The following RNF123 variants were observed in gnomAD, a reference collection of about 807,000 sequenced individuals.
RNF123 encodes the protein ring finger protein 123.
A neutral mutation model predicts 168.5 loss-of-function variants in RNF123; 86 were observed. The observed-to-expected ratio is 0.51, with a 90% CI of 0.43 to 0.61. RNF123 has a LOEUF of 0.61. RNF123 is among the 20% of genes least tolerant of loss of function. The pLI, the probability that RNF123 is intolerant of heterozygous loss-of-function variation, is 0.00. For missense variants in RNF123, 1,419 were observed against 1,729.7 expected, an observed-to-expected ratio of 0.82 and a Z score of 3.19; for synonymous variants, 666 against 689.1, an observed-to-expected ratio of 0.97 and a Z score of 0.52.
At chr3:49,696,478 A>G (rs2054269434) in intron 3 of RNF123, among the ~76,000 whole-genome samples, 1 of 151,514 alleles carries the variant, frequency 6.6e-6, no homozygotes, top group African/African-American at 2.4e-5. Flanking sequence ...CCTCCCAAGT[A>G]GCTGGTATTA....
chr3:49,706,942 G>A, intron 26 of RNF123, 44 bp downstream of exon 26: 1 of 1,553,722 alleles, frequency 6.4e-7, no homozygotes, highest in Non-Finnish European at 8.9e-7. Flanking sequence ...TCACTGTCTG[G>A]CCACGGGTCT....
chr3:49,691,205 A>T lies in RNF123; in HGVS notation c.40A>T (p.Ser14Cys), dbSNP rs1553684893. 8.1e-6 allele frequency: 13 copies of T among 1,613,910 alleles called. No homozygotes were observed. In the Admixed American group the frequency reaches 2.2e-4, roughly 27 times the overall value. Residue 14 changes from serine to cysteine, a missense_variant, in exon 2 of 39, where the codon AGC (serine) becomes TGC (cysteine). Around this residue, in one of 5 missense-constraint regions of RNF123, gnomAD observed 318 missense variants for 446.6 expected, o/e 0.71. Transcript: ENST00000327697. ...GGCCGGCATGTCTTTCTCCCGCAAGAGCTATAGGCTGACCTCAGATGCTGA... is the reference window on the plus strand; with the variant it reads ...GGCCGGCATGTCTTTCTCCCGCAAGTGCTATAGGCTGACCTCAGATGCTGA... Reference protein sequence around the residue: ...KGAGMSFSRKSYRLTSDAEKS... With the variant: ...KGAGMSFSRKCYRLTSDAEKS...
chr3:49,705,630 A>G lies in RNF123; in HGVS notation c.2255A>G (p.Asp752Gly). The change falls in exon 24 of 39, where the codon GAT becomes GGT. Residue 752 changes from aspartate (D) to glycine (G), a missense_variant. Asp to Gly is a moderately conservative substitution (Grantham distance 94). Around this residue, in one of 5 missense-constraint regions of RNF123, gnomAD observed 538 missense variants for 708.8 expected, o/e 0.76. Coordinates refer to ENST00000327697, the MANE Select transcript of RNF123 (RefSeq NM_022064.5). ...GAGAACTCGCTGCTGGAAGTCCTGGATGGGGCGGTCATGATGTACAACCTC... is the reference window on the plus strand; with the variant it reads ...GAGAACTCGCTGCTGGAAGTCCTGGGTGGGGCGGTCATGATGTACAACCTC... ...LTENSLLEVL[D>G]GAVMMYNLSV... 7 of 1,613,914 alleles carry G rather than the reference A, an allele frequency of 4.3e-6. No homozygotes were observed. Among genetic ancestry groups the G allele is most frequent in the Non-Finnish European group, 5.9e-6 (7 of 1,179,988 alleles).
chr3:49,692,221 C>T (rs1159877294), intron 3 of RNF123, among the ~76,000 whole-genome samples: 10 of 152,186 alleles, frequency 6.6e-5, no homozygotes, highest in Non-Finnish European at 1.5e-4. Flanking sequence ...GCACTGTAGC[C>T]TGGGTGACAG....
chr3:49,710,127 C>T (rs13061156), intron 26 of RNF123, among the ~76,000 whole-genome samples: 6,704 of 152,274 alleles, frequency 0.044, 224 homozygotes, highest in Non-Finnish European at 0.06. Context: ...TGAGCCACCA[C>T]ACCCGGCAAT....
chr3:49,702,649 G>A lies in RNF123; in HGVS notation c.1646G>A (p.Cys549Tyr). ...ASGRGNMPMLCPPEYMVCFLH... is the reference protein window; with the variant it reads ...ASGRGNMPMLYPPEYMVCFLH... ...TGTCCACAGAACATGCCCATGCTCT[G>A]CCCCCCTGAGTACATGGTCTGCTTC... The change falls in exon 20 of 39, where the codon TGC becomes TAC. Residue 549 changes from cysteine to tyrosine, a missense_variant. Coordinates refer to ENST00000327697, the MANE Select transcript of RNF123 (RefSeq NM_022064.5). The A allele has an allele frequency of 6.2e-7, 1 of 1,614,224 alleles. No individual in the cohort carries two copies.
intron 35 of RNF123, chr3:49,718,763 G>A (rs1249095835): frequency 1.2e-6 from 2 of 1,613,158 alleles, no homozygotes; most frequent in South Asian, 1.1e-5. Context: ...CCCCGCTGGT[G>A]CCAGCGCTGT....
rs756276205 is a variant in RNF123, at chr3:49,720,498, C to T, written c.3501-13C>T. ...CAAGCCTTCTGACTGCCCTTGCACC[C>T]TCCCCTACCTAGGAGAGAGCAAGCC... On this transcript the variant is annotated splice_polypyrimidine_tract_variant and intron_variant, in intron 35 of 38. Transcript: ENST00000327697. 1 of 1,548,186 alleles carries T rather than the reference C, an allele frequency of 6.5e-7. No individual in the cohort carries two copies. The highest frequency in any genetic ancestry group is 8.7e-7 in the Non-Finnish European group (1 of 1,145,518).
intron 27 of RNF123, chr3:49,712,891 CGGT>C (rs2080171266): frequency 1.4e-6 from 1 of 704,592 alleles, no homozygotes; most frequent in Non-Finnish European, 2.6e-6. Flanking sequence ...AGATGGAACA[CGGT>C]GGGTGTAGAC....
At chr3:49,714,686 G>A (rs1249912625) in intron 31 of RNF123, among the ~76,000 whole-genome samples, 1 of 152,240 alleles carries the variant, frequency 6.6e-6, no homozygotes, top group Non-Finnish European at 1.5e-5. Flanking sequence ...GTTCCTGGAG[G>A]AAGGGACATT....
chr3:49,701,562 A>C lies in RNF123; in HGVS notation c.1349A>C (p.Gln450Pro). The change falls in exon 16 of 39, where the codon CAG becomes CCG. Residue 450 changes from glutamine to proline, a missense_variant. Around this residue, in one of 5 missense-constraint regions of RNF123, gnomAD observed 349 missense variants for 344.9 expected, o/e 1.01. Transcript: ENST00000327697. ...CTGCGTGTGGAGGAGGCCGGCCTGC[A>C]GGAGCTCATTCCCACCACCTGGTGG... ...SPLRVEEAGL[Q>P]ELIPTTWWPH... 6.2e-7 allele frequency: 1 copy of C among 1,613,818 alleles called. No homozygotes were observed. The highest frequency in any genetic ancestry group is 8.5e-7 in the Non-Finnish European group (1 of 1,180,012).
rs1407800846 is a variant in RNF123, at chr3:49,701,796, G to A, written c.1396-15G>A. The A allele has an allele frequency of 6.4e-7, 1 of 1,563,602 alleles. No individual in the cohort carries two copies. Among genetic ancestry groups the A allele is most frequent in the Admixed American group, 1.9e-5 (1 of 51,412 alleles). On this transcript the variant is annotated splice_polypyrimidine_tract_variant and intron_variant, in intron 16 of 38. Coordinates refer to ENST00000327697, the MANE Select transcript of RNF123 (RefSeq NM_022064.5). ...CAGGTGACCCTGCTGTATTCCACCT[G>A]CTACCCCTGCCTAGGGCAAAGAGAG... is the stretch of plus-strand genomic sequence containing the variant.
At chr3:49,692,106 A>G (rs1167914794) in intron 3 of RNF123, among the ~76,000 whole-genome samples, 2 of 152,200 alleles carry the variant, frequency 1.3e-5, no homozygotes, top group Non-Finnish European at 2.9e-5. Flanking sequence ...TTACCTGGGC[A>G]TGGTGGTGTG....
At chr3:49,717,621 T>G in intron 35 of RNF123, 1 of 422,832 alleles carries the variant, frequency 2.4e-6, no homozygotes, top group Non-Finnish European at 4.3e-6. Flanking sequence ...TCCACAGCTG[T>G]GCTGTGTTGA....
At chr3:49,693,857 C>T (rs919234647) in intron 3 of RNF123, among the ~76,000 whole-genome samples, 3 of 152,118 alleles carry the variant, frequency 2.0e-5, no homozygotes, top group African/African-American at 4.8e-5. Context: ...TGACCAGTGA[C>T]GTTGAATGCC....
intron 38 of RNF123, 30 bp from the exon 39 acceptor site, chr3:49,721,155 G>C: frequency 1.2e-6 from 2 of 1,614,148 alleles, no homozygotes; most frequent in Non-Finnish European, 8.5e-7. Context: ...GGTACATGCA[G>C]GGCAGTCCTC....
rs75721665 is a variant in RNF123, at chr3:49,707,087, G to A, written c.2496+189G>A. 3.8e-4 allele frequency among the ~76,000 whole-genome samples: 58 copies of A among 152,282 alleles called. 1 individual carries two copies. In the East Asian group the frequency reaches 0.011, roughly 29 times the overall value. On this transcript the variant is annotated intron_variant, in intron 26 of 38. Transcript: ENST00000327697. ...CCCTCATGCTCTGTGGACTGAGGAA[G>A]CGCAGTTTCTGGACCTCCAGTTCGC...
At chr3:49,702,250 C>A (rs571100357) in intron 18 of RNF123, 84 bp from the exon 19 acceptor site, 1 of 1,588,878 alleles carries the variant, frequency 6.3e-7, no homozygotes, top group Admixed American at 1.7e-5. Context: ...ATGGCAGGGG[C>A]TGGGGGAAGG....
At chr3:49,703,396 C>T (rs1180827533) in intron 20 of RNF123, 31 bp from the exon 21 acceptor site, 9 of 1,574,182 alleles carry the variant, frequency 5.7e-6, no homozygotes, top group Non-Finnish European at 1.7e-6. Context: ...TGGGCCGTGA[C>T]CACTGGCCTA....
Sources: allele counts gnomAD v4.1 joint callset (sites outside exome capture counted in the v4.1 genomes callset), GRCh38; gene constraint gnomAD v4.1.1; regional missense constraint gnomAD v4.1.1; transcripts MANE v1.5; gene names NCBI Gene and HGNC (gene_info 2026-07-23, HGNC 2026-07-21).